Variants in CX3CR1 observed in about 807,000 individuals in gnomAD.
The protein encoded by CX3CR1 is C-X3-C motif chemokine receptor 1.
For synonymous variants in CX3CR1, 168 were observed against 178.5 expected (o/e 0.94, Z 0.47); for missense variants, 363 against 432.4 (o/e 0.84, Z 1.42).
chr3:39,278,352 A>C (rs1670790176), intron 1 of CX3CR1, among the ~76,000 whole-genome samples: 1 of 152,214 alleles, frequency 6.6e-6, no homozygotes, highest in Admixed American at 6.5e-5. Flanking sequence ...AAGATGAAAG[A>C]ATCCACCCTA....
upstream of CX3CR1, among the ~76,000 whole-genome samples, chr3:39,282,958 C>CAT (rs2040916797): frequency 6.6e-6 from 1 of 152,138 alleles, no homozygotes; most frequent in African/African-American, 2.4e-5. Flanking sequence ...GCCACATGAT[C>CAT]ATAGCTCACT....
chr3:39,290,937 C>G, the CX3CR1 span, among the ~76,000 whole-genome samples: 1 of 151,902 alleles, frequency 6.6e-6, no homozygotes, highest in East Asian at 1.9e-4. Flanking sequence ...AATAAATAAA[C>G]AACAACAAAA....
chr3:39,269,516 GGAA>G (rs1185223705), intron 1 of CX3CR1, among the ~76,000 whole-genome samples: 1 of 152,214 alleles, frequency 6.6e-6, no homozygotes, highest in East Asian at 1.9e-4. Context: ...AAGACAGAAT[GGAA>G]GAAGTGGGTG....
chr3:39,282,124 G>T (rs971198072), upstream of CX3CR1, among the ~76,000 whole-genome samples: 1 of 152,330 alleles, frequency 6.6e-6, no homozygotes, highest in Middle Eastern at 3.4e-3. Context: ...CTTCAAGGTT[G>T]CTCACTGCAA....
intron 1 of CX3CR1, among the ~76,000 whole-genome samples, chr3:39,268,550 C>T (rs1477913555): frequency 6.6e-6 from 1 of 152,174 alleles, no homozygotes; most frequent in Non-Finnish European, 1.5e-5. Flanking sequence ...GACCCTGGAG[C>T]TAGCTACTTT....
the CX3CR1 span, among the ~76,000 whole-genome samples, chr3:39,289,894 T>C: frequency 6.6e-6 from 1 of 152,196 alleles, no homozygotes; most frequent in Non-Finnish European, 1.5e-5. Context: ...TGCTGACACC[T>C]TGATCTTAGA....
At chr3:39,288,123 A>C in the CX3CR1 span, among the ~76,000 whole-genome samples, 1 of 152,172 alleles carries the variant, frequency 6.6e-6, no homozygotes, top group South Asian at 2.1e-4. Context: ...TTGAGGCAGA[A>C]GTCCTAAAAG....
At chr3:39,281,712 G>A (rs765757602), upstream of CX3CR1, 5 of 1,583,280 alleles carry the variant, frequency 3.2e-6, no homozygotes, top group African/African-American at 1.3e-5. Flanking sequence ...TTAAGTCCAC[G>A]GCCTGGTAAG....
At chr3:39,271,826 T>G (rs1302525072) in intron 1 of CX3CR1, among the ~76,000 whole-genome samples, 1 of 152,254 alleles carries the variant, frequency 6.6e-6, no homozygotes, top group Non-Finnish European at 1.5e-5. Flanking sequence ...CAAGGCGCTT[T>G]TTAAGGAAGA....
upstream of CX3CR1, chr3:39,281,359 C>G (rs887352467): frequency 4.9e-6 from 4 of 810,526 alleles, no homozygotes; most frequent in Admixed American, 3.9e-5. Flanking sequence ...GGGGTCCACT[C>G]AGCTGGGCTG....
At chr3:39,274,481 C>A (rs866138596) in intron 1 of CX3CR1, among the ~76,000 whole-genome samples, 12,214 of 88,492 alleles carry the variant, frequency 0.14, 1,150 homozygotes, top group Non-Finnish European at 0.18. Flanking sequence ...CAACCACCAC[C>A]AAAAAAAAAA....
chr3:39,267,746 A>T (rs1353610326), intron 1 of CX3CR1, among the ~76,000 whole-genome samples: 3 of 152,166 alleles, frequency 2.0e-5, no homozygotes, highest in Admixed American at 2.0e-4. Flanking sequence ...TCCCCCTACG[A>T]TTACCAGCCC....
the CX3CR1 span, among the ~76,000 whole-genome samples, chr3:39,291,118 G>A: frequency 2.0e-5 from 3 of 149,782 alleles, no homozygotes; most frequent in Admixed American, 6.7e-5. Context: ...GTGCAATAGC[G>A]CAATCTCAGC....
rs369705104 is a variant in CX3CR1, at chr3:39,265,916, A to C, written c.594T>G (p.Leu198=). ...TAATGAGCAGGGGGAGTAGGAAGCCAAGAAAATTTGTTTCCACATTGCGGA... is the reference window on the plus strand; with the variant it reads ...TAATGAGCAGGGGGAGTAGGAAGCCCAGAAAATTTGTTTCCACATTGCGGA... ...PVLRNVETNF[L]GFLLPLLIMS... The change falls in exon 2 of 2, where the codon CTT becomes CTG. Residue 198 remains leucine, a synonymous_variant. Transcript: ENST00000399220. The C allele has an allele frequency of 2.5e-6, 4 of 1,614,240 alleles. No homozygotes were observed. The highest frequency in any genetic ancestry group is 3.4e-6 in the Non-Finnish European group (4 of 1,180,036).
chr3:39,276,888 G>T (rs2040846492), intron 1 of CX3CR1, among the ~76,000 whole-genome samples: 1 of 152,210 alleles, frequency 6.6e-6, no homozygotes, highest in Non-Finnish European at 1.5e-5. Context: ...AGTCAGACTT[G>T]TGGTTCTTTG....
intron 1 of CX3CR1, among the ~76,000 whole-genome samples, chr3:39,271,368 G>T (rs2040773633): frequency 6.6e-6 from 1 of 152,164 alleles, no homozygotes; most frequent in Non-Finnish European, 1.5e-5. Flanking sequence ...GGTGCCTGAT[G>T]TGTTAAATGA....
intron 1 of CX3CR1, 38 bp downstream of exon 1, chr3:39,279,916 C>T: frequency 1.1e-6 from 1 of 943,028 alleles, no homozygotes; most frequent in Non-Finnish European, 1.3e-6. Flanking sequence ...CACTGCTCCA[C>T]CCCACCCACA....
upstream of CX3CR1, among the ~76,000 whole-genome samples, chr3:39,283,813 AT>A (rs1205576048): frequency 1.5e-4 from 10 of 65,760 alleles, 1 homozygote; most frequent in Middle Eastern, 8.1e-3. Flanking sequence ...ATATATATAT[AT>A]ATATATATAT....
chr3:39,268,685 G>A (rs1468732269), intron 1 of CX3CR1, among the ~76,000 whole-genome samples: 2 of 152,140 alleles, frequency 1.3e-5, no homozygotes, highest in Non-Finnish European at 2.9e-5. Context: ...AGGAACTTCT[G>A]TGGACTCGGG....
Sources: gnomAD v4.1 joint callset for allele counts (sites outside exome capture counted in the v4.1 genomes callset) on GRCh38, gnomAD v4.1.1 for gene constraint, MANE v1.5 for transcripts, NCBI Gene and HGNC (gene_info 2026-07-23, HGNC 2026-07-21) for gene names.